Variants in OSBPL2 observed in about 807,000 individuals in gnomAD.
OSBPL2 encodes the protein oxysterol-binding protein-related protein 2.
A neutral mutation model predicts 58.4 loss-of-function variants in OSBPL2; 18 were observed. The ratio of observed to expected loss-of-function variants is 0.31; its 90% confidence interval spans 0.21 to 0.46. The LOEUF (loss-of-function observed/expected upper bound fraction) is 0.46, where lower values mean the gene tolerates loss of function less well. Among genes scored for constraint, OSBPL2 ranks in the 20% least tolerant of loss-of-function variants. OSBPL2 has a pLI of 1.00. For missense variants in OSBPL2, 461 were observed against 616.5 expected, an observed-to-expected ratio of 0.75 and a Z score of 2.67; for synonymous variants, 221 against 234.1, an observed-to-expected ratio of 0.94 and a Z score of 0.51.
intron 3 of OSBPL2, among the ~76,000 whole-genome samples, chr20:62,260,699 A>T (rs1159198346): frequency 2.0e-5 from 3 of 152,160 alleles, no homozygotes; most frequent in African/African-American, 7.2e-5. Context: ...AGAAGTCTTC[A>T]GTCCTTGGCT....
rs575367409 is a variant in OSBPL2, at chr20:62,278,767, C to T, written c.492-390C>T. 197 of 188,286 alleles carry T rather than the reference C, an allele frequency of 1.0e-3. 1 individual carries two copies. The highest frequency in any genetic ancestry group is 3.7e-4 in the Non-Finnish European group (36 of 96,702). 11.7% of individuals were successfully genotyped at this position (188,286 alleles called of 1,614,324 possible). A position where few individuals can be genotyped will look rare whatever the true frequency, so the allele number is the denominator to read the frequency against. On this transcript the variant is annotated intron_variant, in intron 6 of 13. Transcript: ENST00000313733. ...TGTGTTGCCAACGTTAGGCCGAGTG[C>T]GATGTCATGTTTGTGTGTGTGTTGC... is the stretch of plus-strand genomic sequence containing the variant.
Position 62,293,569 on chromosome 20 carries a change from A to C in OSBPL2, c.1341-216A>C, listed in dbSNP as rs1983663091. On this transcript the variant is annotated intron_variant, in intron 13 of 13. Coordinates refer to ENST00000313733, the MANE Select transcript of OSBPL2 (RefSeq NM_144498.4). ...ACCCTCAAGATTTTGTTGGGAAGTG[A>C]AATTGACACGGGTGGCTGGATATCT... 3.9e-5 allele frequency among the ~76,000 whole-genome samples: 6 copies of C among 152,362 alleles called. 1 individual carries two copies. The South Asian group carries it at 1.2e-3, about 32-fold the overall frequency.
rs1982970779 is a variant in OSBPL2, at chr20:62,284,187, C to T, written c.996+18C>T. 3.7e-6 allele frequency: 6 copies of T among 1,613,876 alleles called. No homozygotes were observed. The East Asian group carries it at 1.3e-4, about 36-fold the overall frequency. On this transcript the variant is annotated intron_variant, in intron 10 of 13. Transcript: ENST00000313733. ...CCAAGCTGGTAAGGGCTGGGGCGTC[C>T]CCGGGCAGAGCTGAGCCCTGGGTGC... is the stretch of plus-strand genomic sequence containing the variant.
At chr20:62,256,508 A>G (rs1980932938) in intron 2 of OSBPL2, among the ~76,000 whole-genome samples, 1 of 152,188 alleles carries the variant, frequency 6.6e-6, no homozygotes, top group Admixed American at 6.5e-5. Context: ...TTTCTGCTTC[A>G]TGATGAGAAC....
At chr20:62,264,847 C>G (rs1981566324) in intron 4 of OSBPL2, 1 of 152,220 alleles carries the variant, frequency 6.6e-6, no homozygotes, top group Non-Finnish European at 1.5e-5. Context: ...GGCAGCTGCT[C>G]TGGTCTGTTA....
intron 4 of OSBPL2, among the ~76,000 whole-genome samples, chr20:62,264,149 G>A (rs991369502): frequency 6.6e-6 from 1 of 151,926 alleles, no homozygotes; most frequent in African/African-American, 2.4e-5. Flanking sequence ...AAAAGAACAA[G>A]CAAGTCAGGG....
intron 6 of OSBPL2, among the ~76,000 whole-genome samples, chr20:62,275,839 G>A (rs536518103): frequency 6.0e-4 from 92 of 152,084 alleles, no homozygotes; most frequent in African/African-American, 2.0e-3. Flanking sequence ...TCCAAGAAGT[G>A]CAGTTCCTTT....
At chr20:62,283,485 A>C (rs1280343371) in intron 9 of OSBPL2, among the ~76,000 whole-genome samples, 2 of 152,178 alleles carry the variant, frequency 1.3e-5, no homozygotes, top group Non-Finnish European at 2.9e-5. Flanking sequence ...TTTAGAATCG[A>C]GAGCTCTGGT....
At chr20:62,273,998 C>T (rs967506327) in intron 6 of OSBPL2, among the ~76,000 whole-genome samples, 2 of 152,150 alleles carry the variant, frequency 1.3e-5, no homozygotes, top group Non-Finnish European at 2.9e-5. Flanking sequence ...TTCTAGGCAG[C>T]GTTGCCATCC....
chr20:62,259,922 T>G, intron 2 of OSBPL2, 59 bp from the exon 3 acceptor site: 1 of 1,535,718 alleles, frequency 6.5e-7, no homozygotes, highest in Non-Finnish European at 8.9e-7. Flanking sequence ...TTCTTGGAGG[T>G]AGGCTTTTAA....
rs1461166000 is a variant in OSBPL2, at chr20:62,295,555, G to A, written c.*1668G>A. On this transcript the variant is annotated 3_prime_UTR_variant, in exon 14 of 14. Coordinates refer to ENST00000313733, the MANE Select transcript of OSBPL2 (RefSeq NM_144498.4). The surrounding 1 kb of genome is among the most constrained non-coding windows in gnomAD (Gnocchi z 4.8). ...TGGTGCCGAGTCCTGTGTCATCCTC[G>A]GGGCCTATGAGCTCCGTACCAGCCA... is the stretch of plus-strand genomic sequence containing the variant. 6.6e-6 allele frequency: 1 copy of A among 152,150 alleles called. No homozygotes were observed. Among genetic ancestry groups the A allele is most frequent in the South Asian group, 2.1e-4 (1 of 4,828 alleles). The allele number at this position is 152,150 out of a possible 1,614,324, so 9.4% of individuals were successfully genotyped here.
At chr20:62,263,934 G>A (rs900586511) in intron 4 of OSBPL2, among the ~76,000 whole-genome samples, 1 of 152,056 alleles carries the variant, frequency 6.6e-6, no homozygotes, top group Admixed American at 6.6e-5. Context: ...GCGTGGTGGA[G>A]GGCGCCTGTA....
At chr20:62,245,947 C>T (rs573041845) in intron 1 of OSBPL2, among the ~76,000 whole-genome samples, 35 of 152,352 alleles carry the variant, frequency 2.3e-4, no homozygotes, top group African/African-American at 6.5e-4. Context: ...TGAGCACAGA[C>T]GGAGCAATCC....
At chr20:62,247,416 C>G (rs1380139752) in intron 1 of OSBPL2, among the ~76,000 whole-genome samples, 1 of 152,232 alleles carries the variant, frequency 6.6e-6, no homozygotes, top group Non-Finnish European at 1.5e-5. Context: ...GATTGCTGCC[C>G]CCACGCCGCA....
chr20:62,265,979 C>T (rs1713356878), intron 4 of OSBPL2, among the ~76,000 whole-genome samples: 1 of 152,006 alleles, frequency 6.6e-6, no homozygotes, highest in Non-Finnish European at 1.5e-5. Flanking sequence ...AAAGATTAGC[C>T]AGGCATGGTG....
At chr20:62,279,432 C>A (rs1327158602) in intron 7 of OSBPL2, 93 bp downstream of exon 7, 19 of 1,328,696 alleles carry the variant, frequency 1.4e-5, no homozygotes, top group Non-Finnish European at 2.0e-5. Context: ...CAGGAGGAAA[C>A]CCTGTCATTT....
At chr20:62,239,866 G>A (rs1313641119) in intron 1 of OSBPL2, among the ~76,000 whole-genome samples, 2 of 152,174 alleles carry the variant, frequency 1.3e-5, no homozygotes, top group African/African-American at 4.8e-5. Flanking sequence ...CTTGTTTTAT[G>A]TTTTGAGATG....
chr20:62,244,171 G>C (rs1024911174), intron 1 of OSBPL2, among the ~76,000 whole-genome samples: 4 of 152,204 alleles, frequency 2.6e-5, no homozygotes, highest in Non-Finnish European at 5.9e-5. Flanking sequence ...AGCCCTGCAG[G>C]ACAACAGCCT....
intron 1 of OSBPL2, among the ~76,000 whole-genome samples, chr20:62,247,016 G>C (rs1980165113): frequency 6.6e-6 from 1 of 152,232 alleles, no homozygotes; most frequent in Non-Finnish European, 1.5e-5. Context: ...GCCCTGCCAG[G>C]TCGCCGACTG....
Sources: gnomAD v4.1 joint callset for allele counts (sites outside exome capture counted in the v4.1 genomes callset) on GRCh38, gnomAD v4.1.1 for gene constraint, Gnocchi (gnomAD v3.1) non-coding constraint, MANE v1.5 for transcripts, NCBI Gene and HGNC (gene_info 2026-07-23, HGNC 2026-07-21) for gene names.